LRBA: variants seen among roughly 807,000 people sequenced by gnomAD.
LRBA encodes LPS responsive beige-like anchor protein.
Under a neutral mutation model 330.0 loss-of-function variants are expected in LRBA, and 176 were observed. That is an observed-to-expected ratio of 0.53 (90% confidence interval 0.47 to 0.60). LRBA has a LOEUF of 0.60. Among genes scored for constraint, LRBA ranks in the 20% least tolerant of loss-of-function variants. The pLI is 0.00. For missense variants in LRBA, 3,259 were observed against 3,444.8 expected (o/e 0.95, Z 1.35); for synonymous variants, 1,230 against 1,193.0 (o/e 1.03, Z -0.64).
Position 150,423,180 on chromosome 4 carries a change from C to A in LRBA, c.7042-7590G>T, listed in dbSNP as rs1378406966. 8 of 1,352,522 alleles carry A rather than the reference C, an allele frequency of 5.9e-6. No homozygotes were observed. The Admixed American group carries it at 1.0e-4, about 18-fold the overall frequency. The allele number at this position is 1,352,522 out of a possible 1,614,324, so 83.8% of individuals were successfully genotyped here. A position where few individuals can be genotyped will look rare whatever the true frequency, so the allele number is the denominator to read the frequency against. ...TCGGGGCAGGGTCCCTCCGGTCCCC[C>A]TTCTTGTTGGCTTTCTTGGCTCTGG... On this transcript the variant is annotated intron_variant, in intron 46 of 56. Coordinates refer to ENST00000651943, the MANE Select transcript of LRBA (RefSeq NM_001364905.1).
intron 37 of LRBA, among the ~76,000 whole-genome samples, chr4:150,620,823 G>A (rs1442615500): frequency 6.6e-6 from 1 of 152,118 alleles, no homozygotes; most frequent in Admixed American, 6.5e-5. Flanking sequence ...GACCAGTGGA[G>A]AGGCAAGGAA....
At chr4:150,306,890 T>A (rs930829742) in intron 52 of LRBA, among the ~76,000 whole-genome samples, 1 of 152,130 alleles carries the variant, frequency 6.6e-6, no homozygotes, top group African/African-American at 2.4e-5. Context: ...ATTAGCTACA[T>A]ACATTTCAAC....
Position 150,713,563 on chromosome 4 carries a change from C to T in LRBA, c.5754+21695G>A, listed in dbSNP as rs896663388. Among the ~76,000 whole-genome samples, 25 of 152,086 alleles carry T rather than the reference C, an allele frequency of 1.6e-4. 1 individual carries two copies. Among genetic ancestry groups the T allele is most frequent in the Admixed American group, 1.2e-3 (18 of 15,266 alleles). ...TTTTGCCTATGTAACTGTAACGTGGCAAAGTATAATGAAACCTATTCTTTT... is the reference window on the plus strand; with the variant it reads ...TTTTGCCTATGTAACTGTAACGTGGTAAAGTATAATGAAACCTATTCTTTT... On this transcript the variant is annotated intron_variant, in intron 36 of 56. Transcript: ENST00000651943.
At chr4:150,456,816 G>C (rs2152040773) in intron 44 of LRBA, among the ~76,000 whole-genome samples, 1 of 152,158 alleles carries the variant, frequency 6.6e-6, no homozygotes. Flanking sequence ...TTAGATTCAA[G>C]TCTTTAATTC....
chr4:150,731,724 C>T (rs891591665), intron 36 of LRBA, among the ~76,000 whole-genome samples: 12 of 151,708 alleles, frequency 7.9e-5, no homozygotes, highest in African/African-American at 2.7e-4. Context: ...GGGTAGGTGA[C>T]GATGATCTAT....
chr4:150,338,993 A>ACACACG (rs970286845), intron 48 of LRBA, among the ~76,000 whole-genome samples: 4 of 151,014 alleles, frequency 2.6e-5, no homozygotes, highest in African/African-American at 9.7e-5. Flanking sequence ...ACACACACAC[A>ACACACG]CAAGTAGTGA....
At chr4:150,972,037 CTCTTA>C (rs760814691) in intron 2 of LRBA, among the ~76,000 whole-genome samples, 8 of 152,062 alleles carry the variant, frequency 5.3e-5, no homozygotes, top group Non-Finnish European at 7.4e-5. Context: ...TTTATAGATT[CTCTTA>C]TAAGTACCTT....
chr4:150,332,749 C>T lies in LRBA; in HGVS notation c.7363-6851G>A, dbSNP rs1734152170. ...CCTGTTACTACTTTCTATAATAAAA[C>T]CTGAAGTCAGCAGGCAGCATTCCAG... On this transcript the variant is annotated intron_variant, in intron 48 of 56. Transcript: ENST00000651943. 2.0e-5 allele frequency among the ~76,000 whole-genome samples: 3 copies of T among 152,064 alleles called. No individual in the cohort carries two copies. In the South Asian group the frequency reaches 6.2e-4, roughly 32 times the overall value.
intron 26 of LRBA, among the ~76,000 whole-genome samples, chr4:150,847,575 A>T (rs1457684155): frequency 1.3e-5 from 2 of 152,180 alleles, no homozygotes; most frequent in Non-Finnish European, 2.9e-5. Flanking sequence ...ATGTTTTCAT[A>T]GGTGCTTTAT....
intron 35 of LRBA, among the ~76,000 whole-genome samples, chr4:150,760,097 C>T (rs1001029022): frequency 2.0e-5 from 3 of 152,034 alleles, no homozygotes; most frequent in African/African-American, 7.2e-5. Context: ...TTAAGCAGAA[C>T]ATTTGTGTAT....
chr4:150,414,261 CA>C (rs1385116003), intron 47 of LRBA, among the ~76,000 whole-genome samples: 2 of 152,112 alleles, frequency 1.3e-5, no homozygotes, highest in East Asian at 3.9e-4. Context: ...ATATTCTTTC[CA>C]CTCCCCTGCA....
At chr4:150,402,872 C>A (rs992105081) in intron 47 of LRBA, among the ~76,000 whole-genome samples, 2 of 151,662 alleles carry the variant, frequency 1.3e-5, no homozygotes, top group African/African-American at 4.9e-5. Context: ...AAAAACTAAG[C>A]CGTTCTGGAT....
At chr4:150,991,529 T>G (rs1391999320) in intron 2 of LRBA, among the ~76,000 whole-genome samples, 1 of 152,212 alleles carries the variant, frequency 6.6e-6, no homozygotes, top group African/African-American at 2.4e-5. Flanking sequence ...GAATCTCAAA[T>G]GCAATTTGCT....
chr4:150,917,274 GA>G (rs146289600), intron 5 of LRBA, among the ~76,000 whole-genome samples: 1 of 151,098 alleles, frequency 6.6e-6, no homozygotes, highest in African/African-American at 2.4e-5. Flanking sequence ...TTAATTAAAT[GA>G]AAAAAAAATT....
chr4:150,532,785 G>A (rs986883898), intron 40 of LRBA, among the ~76,000 whole-genome samples: 4 of 151,946 alleles, frequency 2.6e-5, no homozygotes, highest in African/African-American at 9.7e-5. Flanking sequence ...AATTTAATAT[G>A]TAATTAGACT....
chr4:150,344,614 T>C (rs1736027251), intron 48 of LRBA, among the ~76,000 whole-genome samples: 1 of 152,294 alleles, frequency 6.6e-6, no homozygotes, highest in African/African-American at 2.4e-5. Flanking sequence ...CAGGCTGGAG[T>C]GCAATGGCAG....
intron 2 of LRBA, among the ~76,000 whole-genome samples, chr4:150,935,363 CAG>C (rs1183815152): frequency 1.3e-5 from 2 of 151,850 alleles, no homozygotes; most frequent in African/African-American, 4.8e-5. Context: ...TAATATCTAA[CAG>C]AAAATACAAG....
intron 28 of LRBA, among the ~76,000 whole-genome samples, chr4:150,835,533 T>A (rs558751076): frequency 6.6e-6 from 1 of 152,298 alleles, no homozygotes; most frequent in South Asian, 2.1e-4. Context: ...CTCTTGTAAG[T>A]TGGATTCCTA....
At chr4:150,721,048 A>T in intron 36 of LRBA, 1 of 560,884 alleles carries the variant, frequency 1.8e-6, no homozygotes, top group Non-Finnish European at 3.6e-6. Context: ...ATCAAGGCCA[A>T]CTATCCTCCA....
Sources: allele counts gnomAD v4.1 joint callset (sites outside exome capture counted in the v4.1 genomes callset), GRCh38; gene constraint gnomAD v4.1.1; transcripts MANE v1.5; gene names NCBI Gene and HGNC (gene_info 2026-07-23, HGNC 2026-07-21).